Variants in FSTL5 observed in about 807,000 individuals in gnomAD.
The protein encoded by FSTL5 is follistatin like 5.
A neutral mutation model predicts 89.1 loss-of-function variants in FSTL5; 62 were observed. The ratio of observed to expected loss-of-function variants is 0.70; its 90% confidence interval spans 0.57 to 0.86. FSTL5 has a LOEUF of 0.86. Ranked by LOEUF, FSTL5 falls within the 40% of genes least tolerant of loss-of-function variation. The probability of loss-of-function intolerance (pLI) is 0.00; values close to 1 mark genes in which losing one functional copy is unlikely to be tolerated. For synonymous variants in FSTL5, 383 were observed against 346.2 expected (o/e 1.11, Z -1.18); for missense variants, 1,057 against 1,001.6 (o/e 1.06, Z -0.75).
chr4:161,513,151 AAC>A (rs1283153176), intron 10 of FSTL5, among the ~76,000 whole-genome samples: 1 of 152,108 alleles, frequency 6.6e-6, no homozygotes, highest in Admixed American at 6.6e-5. Flanking sequence ...AACCAAATAT[AAC>A]CACAATTTAT....
At chr4:161,499,499 TGGTA>T (rs552241057) in intron 12 of FSTL5, among the ~76,000 whole-genome samples, 151 of 152,254 alleles carry the variant, frequency 9.9e-4, no homozygotes, top group Middle Eastern at 3.4e-3. Flanking sequence ...CACTGCCTAC[TGGTA>T]GGCTGAAATG....
intron 15 of FSTL5, among the ~76,000 whole-genome samples, chr4:161,435,107 A>G (rs565702199): frequency 1.7e-4 from 26 of 152,236 alleles, no homozygotes; most frequent in Non-Finnish European, 2.8e-4. Context: ...CAGTATTTTG[A>G]AGAGATACCT....
At chr4:161,556,471 C>T (rs557357646) in intron 8 of FSTL5, among the ~76,000 whole-genome samples, 9 of 151,326 alleles carry the variant, frequency 5.9e-5, no homozygotes, top group Admixed American at 1.3e-4. Context: ...TTACTCAAGA[C>T]GAAGATTTTG....
chr4:161,896,455 C>T (rs1042973245), intron 4 of FSTL5, among the ~76,000 whole-genome samples: 1 of 152,032 alleles, frequency 6.6e-6, no homozygotes, highest in African/African-American at 2.4e-5. Flanking sequence ...TAGAAAGATG[C>T]CCCCCTTCCA....
intron 6 of FSTL5, among the ~76,000 whole-genome samples, chr4:161,758,275 C>T (rs568150181): frequency 4.0e-5 from 6 of 151,866 alleles, no homozygotes; most frequent in African/African-American, 1.4e-4. Context: ...AAGTCAGGGG[C>T]ATAATTCAAA....
chr4:161,429,086 T>C (rs1397191655), intron 15 of FSTL5, among the ~76,000 whole-genome samples: 1 of 152,012 alleles, frequency 6.6e-6, no homozygotes, highest in African/African-American at 2.4e-5. Flanking sequence ...CAGTGCTCAC[T>C]GCAGGCCTGG....
intron 6 of FSTL5, among the ~76,000 whole-genome samples, chr4:161,688,102 A>T (rs1413255144): frequency 6.6e-6 from 1 of 152,136 alleles, no homozygotes; most frequent in African/African-American, 2.4e-5. Flanking sequence ...TTGTTTTAAG[A>T]GACAGAGTCT....
At chr4:161,842,723 A>G (rs1731250704) in intron 4 of FSTL5, among the ~76,000 whole-genome samples, 1 of 152,120 alleles carries the variant, frequency 6.6e-6, no homozygotes. Flanking sequence ...TTAATATTAT[A>G]TCATATTTCT....
chr4:161,604,469 T>G (rs1578960270), intron 7 of FSTL5, among the ~76,000 whole-genome samples: 2 of 152,214 alleles, frequency 1.3e-5, no homozygotes, highest in Middle Eastern at 3.4e-3. Flanking sequence ...AAGGGTACTC[T>G]AAAAAATATA....
chr4:161,514,642 A>G (rs1730755488), intron 10 of FSTL5, among the ~76,000 whole-genome samples: 1 of 152,184 alleles, frequency 6.6e-6, no homozygotes, highest in African/African-American at 2.4e-5. Context: ...AAATAAATGG[A>G]GAATCAAAAT....
intron 15 of FSTL5, among the ~76,000 whole-genome samples, chr4:161,448,577 C>G (rs1733037636): frequency 6.6e-6 from 1 of 152,148 alleles, no homozygotes; most frequent in Non-Finnish European, 1.5e-5. Context: ...TCAATCCCTT[C>G]TTAATCATTT....
chr4:162,065,272 A>T (rs145136867), intron 2 of FSTL5, among the ~76,000 whole-genome samples: 1 of 151,980 alleles, frequency 6.6e-6, no homozygotes. Flanking sequence ...CAACCTATAT[A>T]ATGGGTGAAA....
chr4:161,730,628 T>C (rs1327307857), intron 6 of FSTL5, among the ~76,000 whole-genome samples: 2 of 152,186 alleles, frequency 1.3e-5, no homozygotes, highest in Admixed American at 6.5e-5. Flanking sequence ...TGTTCAACTG[T>C]TGACTTTTCA....
chr4:161,969,804 T>A (rs1471826915), intron 3 of FSTL5, among the ~76,000 whole-genome samples: 4 of 151,998 alleles, frequency 2.6e-5, no homozygotes, highest in Non-Finnish European at 5.9e-5. Context: ...GTGACCCCAA[T>A]CTTTAAAAAA....
At chr4:161,769,401 C>A (rs1741130588) in intron 5 of FSTL5, among the ~76,000 whole-genome samples, 1 of 151,826 alleles carries the variant, frequency 6.6e-6, no homozygotes, top group South Asian at 2.1e-4. Context: ...AACTATAGGC[C>A]AATATTCCTG....
At chr4:161,489,324 G>C (rs1729787592) in intron 12 of FSTL5, among the ~76,000 whole-genome samples, 1 of 151,940 alleles carries the variant, frequency 6.6e-6, no homozygotes, top group African/African-American at 2.4e-5. Context: ...TGTTGGGAAA[G>C]GTAAACATTT....
chr4:161,811,710 T>C (rs1352797099), intron 4 of FSTL5, among the ~76,000 whole-genome samples: 1 of 152,088 alleles, frequency 6.6e-6, no homozygotes. Flanking sequence ...AAAAACACAA[T>C]ACTGTACTGA....
At chr4:161,485,877 C>T (rs2126461160) in intron 12 of FSTL5, among the ~76,000 whole-genome samples, 1 of 152,252 alleles carries the variant, frequency 6.6e-6, no homozygotes, top group East Asian at 1.9e-4. Flanking sequence ...GCAGCTTACA[C>T]CTGTAATCAC....
chr4:161,459,355 C>G (rs1182159553), intron 13 of FSTL5, 36 bp from the exon 14 acceptor site: 1 of 1,379,474 alleles, frequency 7.2e-7, no homozygotes, highest in South Asian at 1.2e-5. Context: ...ATGTTTTAGA[C>G]TAAACTATTA....
Sources: gnomAD v4.1 joint callset for allele counts (sites outside exome capture counted in the v4.1 genomes callset) on GRCh38, gnomAD v4.1.1 for gene constraint, MANE v1.5 for transcripts, NCBI Gene and HGNC (gene_info 2026-07-23, HGNC 2026-07-21) for gene names.